Variants in RNF128 observed in about 807,000 individuals in gnomAD.
RNF128 encodes the protein E3 ubiquitin-protein ligase RNF128.
In RNF128, 13 loss-of-function variants were observed where a neutral mutation model predicts 26.2. That is an observed-to-expected ratio of 0.50 (90% CI 0.32 to 0.79). The LOEUF (loss-of-function observed/expected upper bound fraction) is 0.79. RNF128 is among the 30% of genes least tolerant of loss of function. RNF128 has a pLI of 0.03. For synonymous variants in RNF128, 149 were observed against 142.5 expected (o/e 1.05, Z -0.32); for missense variants, 315 against 349.7 (o/e 0.90, Z 0.79).
chrX:106,789,048 C>A (rs1303424493), intron 4 of RNF128, among the ~76,000 whole-genome samples: 6 of 80,299 alleles, frequency 7.5e-5, no homozygotes, highest in Non-Finnish European at 1.1e-4. Flanking sequence ...CATATATTAT[C>A]TATTATATAG....
chrX:106,788,418 AATAT>A (rs1253630673), intron 4 of RNF128, among the ~76,000 whole-genome samples: 3 of 46,651 alleles, frequency 6.4e-5, no homozygotes, highest in Admixed American at 4.3e-4. Context: ...TATAATATAT[AATAT>A]ATATTATATA....
upstream of RNF128, among the ~76,000 whole-genome samples, chrX:106,723,005 T>G (rs1006848795): frequency 1.3e-4 from 15 of 111,718 alleles, no homozygotes; most frequent in African/African-American, 4.5e-4. Flanking sequence ...AGTCTCTTTT[T>G]CATCAGTCTT....
chrX:106,731,999 G>A (rs1468094882), intron 1 of RNF128, among the ~76,000 whole-genome samples: 2 of 111,329 alleles, frequency 1.8e-5, no homozygotes, highest in Non-Finnish European at 3.8e-5. Context: ...TTATCAGCAT[G>A]GCATATAAAA....
At chrX:106,703,371 C>T (rs1199722328) in intron 1 of RNF128, among the ~76,000 whole-genome samples, 2 of 111,851 alleles carry the variant, frequency 1.8e-5, no homozygotes, top group Non-Finnish European at 3.8e-5. Flanking sequence ...ATCATCCCAA[C>T]AACTGCTATG....
intron 1 of RNF128, among the ~76,000 whole-genome samples, chrX:106,765,827 C>T (rs112693610): frequency 0.043 from 4,733 of 110,071 alleles, 292 homozygotes; most frequent in African/African-American, 0.15. Flanking sequence ...TTAACTAACT[C>T]GTCATTTATA....
rs1602390640 is a variant in RNF128, at chrX:106,783,089, C to G, written c.733-1976C>G. Among the ~76,000 whole-genome samples, 3 of 111,786 alleles carry G rather than the reference C, an allele frequency of 2.7e-5. No individual in the cohort carries two copies. In the Admixed American group the frequency reaches 2.9e-4, roughly 11 times the overall value. On this transcript the variant is annotated intron_variant, in intron 2 of 6. Coordinates refer to ENST00000255499, the MANE Select transcript of RNF128 (RefSeq NM_194463.2). ...CCTCTTTTCCTTTTTAGGGTCTAGG[C>G]CTTCCTATTCACTGTTTCTGTTAGA...
chrX:106,774,099 G>A (rs1469798610), intron 2 of RNF128, among the ~76,000 whole-genome samples: 1 of 111,246 alleles, frequency 9.0e-6, no homozygotes, highest in African/African-American at 3.3e-5. Context: ...ATCAGAGTGG[G>A]CCCTTAATGC....
intron 1 of RNF128, among the ~76,000 whole-genome samples, chrX:106,699,444 T>A (rs1160135181): frequency 1.8e-5 from 2 of 110,822 alleles, no homozygotes; most frequent in African/African-American, 6.6e-5. Context: ...TAACACTGCC[T>A]CCAAAATATA....
intron 2 of RNF128, among the ~76,000 whole-genome samples, chrX:106,777,868 G>A (rs1305350600): frequency 9.0e-6 from 1 of 111,067 alleles, no homozygotes; most frequent in African/African-American, 3.3e-5. Flanking sequence ...TACTTGGGAG[G>A]CTGAGGTGGG....
At chrX:106,790,156 A>G (rs776065029) in intron 4 of RNF128, 30 bp from the exon 5 acceptor site, 4 of 985,279 alleles carry the variant, frequency 4.1e-6, no homozygotes, top group Non-Finnish European at 5.8e-6. Flanking sequence ...CTACTTTACA[A>G]CTGATAATTA....
intron 2 of RNF128, among the ~76,000 whole-genome samples, chrX:106,775,601 CTAAA>C (rs1373159520): frequency 9.0e-6 from 1 of 111,387 alleles, no homozygotes; most frequent in Non-Finnish European, 1.9e-5. Flanking sequence ...CCTTTGAGGA[CTAAA>C]AGATTAAATA....
chrX:106,705,162 T>G (rs5962727), intron 1 of RNF128, among the ~76,000 whole-genome samples: 12,789 of 111,234 alleles, frequency 0.11, 1,837 homozygotes, highest in African/African-American at 0.4. Flanking sequence ...CCGCCCTAGG[T>G]TTCCAAATGG....
At chrX:106,784,798 G>A (rs751640141) in intron 2 of RNF128, among the ~76,000 whole-genome samples, 1 of 111,619 alleles carries the variant, frequency 9.0e-6, no homozygotes, top group African/African-American at 3.2e-5. Flanking sequence ...AGGGGTGGGG[G>A]AAATGTATTT....
chrX:106,730,813 TA>T (rs1006283429), intron 1 of RNF128, among the ~76,000 whole-genome samples: 33 of 104,038 alleles, frequency 3.2e-4, no homozygotes, highest in East Asian at 5.9e-4. Flanking sequence ...CTGAGGGCTG[TA>T]AAAAAAAAAA....
intron 1 of RNF128, among the ~76,000 whole-genome samples, chrX:106,759,604 T>C (rs1930085622): frequency 1.8e-5 from 2 of 111,658 alleles, no homozygotes. Context: ...TATTCAGCCA[T>C]AAAGAAAAAT....
intron 3 of RNF128, among the ~76,000 whole-genome samples, chrX:106,787,384 C>T (rs1390283703): frequency 9.0e-6 from 1 of 110,855 alleles, no homozygotes; most frequent in African/African-American, 3.3e-5. Flanking sequence ...ATATGACATT[C>T]GGGGAAAGCC....
chrX:106,717,195 T>C (rs1420946052), intron 1 of RNF128, among the ~76,000 whole-genome samples: 1 of 105,068 alleles, frequency 9.5e-6, no homozygotes. Context: ...AGAGCGAGAC[T>C]CCGTCTCAAA....
chrX:106,779,348 CGTGTGTGTGT>C (rs372716238), intron 2 of RNF128, among the ~76,000 whole-genome samples: 10 of 90,112 alleles, frequency 1.1e-4, no homozygotes, highest in East Asian at 6.9e-4. Context: ...TACACAGTTA[CGTGTGTGTGT>C]GTGTGTGTGT....
At chrX:106,703,024 A>AATG (rs1928984195) in intron 1 of RNF128, among the ~76,000 whole-genome samples, 1 of 112,089 alleles carries the variant, frequency 8.9e-6, no homozygotes, top group Non-Finnish European at 1.9e-5. Context: ...CTAAATTTTT[A>AATG]ATGACATATA....
Sources: allele counts gnomAD v4.1 joint callset (sites outside exome capture counted in the v4.1 genomes callset), GRCh38; gene constraint gnomAD v4.1.1; transcripts MANE v1.5; gene names NCBI Gene and HGNC (gene_info 2026-07-23, HGNC 2026-07-21).